Variants in TTC39C observed in about 807,000 individuals in gnomAD.
The protein encoded by TTC39C is tetratricopeptide repeat protein 39C.
Under a neutral mutation model 76.3 loss-of-function variants are expected in TTC39C, and 33 were observed. That is an observed-to-expected ratio of 0.43 (90% CI 0.33 to 0.58). The LOEUF (loss-of-function observed/expected upper bound fraction) is 0.58, where lower values mean the gene tolerates loss of function less well. Among genes scored for constraint, TTC39C ranks in the 20% least tolerant of loss-of-function variants. The pLI, the probability that TTC39C is intolerant of heterozygous loss-of-function variation, is 0.04. For synonymous variants in TTC39C, 254 were observed against 260.6 expected (o/e 0.97, Z 0.24); for missense variants, 595 against 701.4 (o/e 0.85, Z 1.71).
At position 24,025,598 on chromosome 18, in the gene TTC39C, C is replaced by T. The variant is rs141702543; in HGVS notation, c.167+10560C>T. 6.6e-4 allele frequency among the ~76,000 whole-genome samples: 100 copies of T among 152,254 alleles called. 1 individual carries two copies. The East Asian group carries it at 0.01, about 16-fold the overall frequency. On this transcript the variant is annotated intron_variant, in intron 1 of 13. Transcript: ENST00000317571. ...TTCCAGAAAATGTTCAAAAGTTTTG[C>T]GGGACATGAGACAGTGTGCTGGATG... is the stretch of plus-strand genomic sequence containing the variant.
Position 24,133,177 on chromosome 18 carries a change from TCTC to T in TTC39C, c.*606_*608del, listed in dbSNP as rs1226111379. On this transcript the variant is annotated 3_prime_UTR_variant, in exon 14 of 14. Transcript: ENST00000317571. ...AGCAGAGCAATGAATAGAAAGCAGA[TCTC>T]CTGACCACCAACTGACTTTTATTGT... 1 of 152,168 alleles carries T rather than the reference TCTC, an allele frequency of 6.6e-6. No individual in the cohort carries two copies. The highest frequency in any genetic ancestry group is 2.4e-5 in the African/African-American group (1 of 41,444). 9.4% of individuals were successfully genotyped at this position (152,168 alleles called of 1,614,324 possible).
intron 8 of TTC39C, among the ~76,000 whole-genome samples, chr18:24,120,145 A>G (rs529869197): frequency 6.6e-6 from 1 of 152,256 alleles, no homozygotes; most frequent in South Asian, 2.1e-4. Context: ...AGGTCAAGAG[A>G]TCAAGACCAT....
chr18:24,075,106 C>T (rs530331058), intron 4 of TTC39C, among the ~76,000 whole-genome samples: 234 of 151,378 alleles, frequency 1.5e-3, no homozygotes, highest in Non-Finnish European at 2.9e-3. Flanking sequence ...ACAATGAGAA[C>T]ACTTGGACAC....
chr18:24,024,475 G>C (rs2083573289), intron 1 of TTC39C, among the ~76,000 whole-genome samples: 1 of 152,120 alleles, frequency 6.6e-6, no homozygotes, highest in African/African-American at 2.4e-5. Flanking sequence ...TTAAAATGAA[G>C]GAAGTAACAG....
intron 10 of TTC39C, 39 bp from the exon 11 acceptor site, chr18:24,128,847 C>T: frequency 6.7e-7 from 1 of 1,492,256 alleles, no homozygotes; most frequent in Non-Finnish European, 9.2e-7. Context: ...TAAGTGAATG[C>T]ATTTGCTTAC....
In TTC39C at chr18:24,128,985, T is replaced by G. The variant is rs1369890500; in HGVS notation, c.1518+2T>G. The stretch of plus-strand genomic sequence containing the variant: ...GGAAACTCAGAAGATGCTGTTCAGG[T>G]AAACTGTTAATGTTGTCAGGGCTAA... On this transcript the variant is annotated splice_donor_variant, in intron 11 of 13. Coordinates refer to ENST00000317571, the MANE Select transcript of TTC39C (RefSeq NM_001135993.2). LOFTEE classifies it high-confidence loss of function. 1.2e-6 allele frequency: 2 copies of G among 1,611,694 alleles called. No homozygotes were observed. Among genetic ancestry groups the G allele is most frequent in the South Asian group, 2.2e-5 (2 of 90,890 alleles).
chr18:24,034,332 T>G (rs1470433906), intron 1 of TTC39C, among the ~76,000 whole-genome samples: 1 of 152,260 alleles, frequency 6.6e-6, no homozygotes, highest in Non-Finnish European at 1.5e-5. Flanking sequence ...ATCCTCTTGA[T>G]AAGTTTTCTT....
chr18:24,019,487 T>C (rs1269987489), intron 1 of TTC39C, among the ~76,000 whole-genome samples: 1 of 152,108 alleles, frequency 6.6e-6, no homozygotes, highest in African/African-American at 2.4e-5. Flanking sequence ...GCAAGAAAAA[T>C]GTATAGTAAG....
At chr18:24,075,289 T>TA (rs1178950233) in intron 4 of TTC39C, among the ~76,000 whole-genome samples, 1 of 151,298 alleles carries the variant, frequency 6.6e-6, no homozygotes, top group Non-Finnish European at 1.5e-5. Flanking sequence ...CGCTAGAACT[T>TA]AAAGTATAAT....
intron 8 of TTC39C, among the ~76,000 whole-genome samples, chr18:24,123,128 C>T (rs1308205462): frequency 6.6e-6 from 1 of 152,202 alleles, no homozygotes; most frequent in Non-Finnish European, 1.5e-5. Flanking sequence ...CCTTCTACCA[C>T]GAAGCTTTCA....
At chr18:24,033,972 A>T (rs1266912675) in intron 1 of TTC39C, among the ~76,000 whole-genome samples, 1 of 152,240 alleles carries the variant, frequency 6.6e-6, no homozygotes, top group Non-Finnish European at 1.5e-5. Flanking sequence ...CTGGAACTGA[A>T]ATTGGAATGA....
intron 2 of TTC39C, among the ~76,000 whole-genome samples, chr18:24,065,558 C>A (rs1041049926): frequency 5.3e-5 from 8 of 152,154 alleles, no homozygotes; most frequent in African/African-American, 1.9e-4. Flanking sequence ...GAATTGCAGT[C>A]CCTGGAAAGA....
chr18:24,015,337 C>G (rs780390135), intron 1 of TTC39C: 6 of 267,252 alleles, frequency 2.2e-5, no homozygotes, highest in Non-Finnish European at 2.8e-5. Flanking sequence ...CAGACGTGCC[C>G]GGTGCCGGTA....
chr18:24,118,802 C>T (rs2084928903), intron 8 of TTC39C, among the ~76,000 whole-genome samples: 1 of 151,616 alleles, frequency 6.6e-6, no homozygotes, highest in African/African-American at 2.4e-5. Flanking sequence ...ACAGGCATGC[C>T]CTACCACGCC....
chr18:24,041,645 A>G (rs1049266084), intron 1 of TTC39C, among the ~76,000 whole-genome samples: 2 of 152,320 alleles, frequency 1.3e-5, no homozygotes, highest in Non-Finnish European at 2.9e-5. Flanking sequence ...TGCTTTAGCT[A>G]TTTTAATAAT....
chr18:24,107,896 G>GT (rs1555776828), intron 6 of TTC39C, among the ~76,000 whole-genome samples: 3,947 of 124,242 alleles, frequency 0.032, 93 homozygotes, highest in Admixed American at 0.08. Flanking sequence ...GTAGGGGGGG[G>GT]GGTACAGGCA....
intron 1 of TTC39C, among the ~76,000 whole-genome samples, chr18:24,051,737 AC>A (rs1365476144): frequency 1.3e-5 from 2 of 152,232 alleles, no homozygotes; most frequent in African/African-American, 4.8e-5. Flanking sequence ...GGAAATAAGC[AC>A]GTGTGCTTTT....
At chr18:24,032,378 C>T (rs1361981652) in intron 1 of TTC39C, among the ~76,000 whole-genome samples, 1 of 152,226 alleles carries the variant, frequency 6.6e-6, no homozygotes, top group Admixed American at 6.5e-5. Context: ...CCTTGACCGT[C>T]ACTGCCTTAT....
chr18:24,080,973 A>G, intron 5 of TTC39C, 34 bp downstream of exon 5: 2 of 1,540,796 alleles, frequency 1.3e-6, no homozygotes, highest in East Asian at 2.3e-5. Flanking sequence ...TTGGTAGATA[A>G]TATAGTGTTG....
Sources: gnomAD v4.1 joint callset for allele counts (sites outside exome capture counted in the v4.1 genomes callset) on GRCh38, gnomAD v4.1.1 for gene constraint, MANE v1.5 for transcripts, NCBI Gene and HGNC (gene_info 2026-07-23, HGNC 2026-07-21) for gene names.